The following RABGAP1L variants were observed in gnomAD, a reference collection of about 807,000 sequenced individuals.
The protein encoded by RABGAP1L is rab GTPase-activating protein 1-like.
RABGAP1L carries 63 observed loss-of-function variants against 137.7 expected under a neutral mutation model. The observed-to-expected ratio is 0.46, with a 90% confidence interval of 0.37 to 0.56. RABGAP1L has a LOEUF of 0.56. Ranked by LOEUF, RABGAP1L falls within the 20% of genes least tolerant of loss-of-function variation. RABGAP1L has a pLI of 0.00. For synonymous variants in RABGAP1L, 431 were observed against 433.7 expected, an observed-to-expected ratio of 0.99 and a Z score of 0.08; for missense variants, 1,095 against 1,244.0, an observed-to-expected ratio of 0.88 and a Z score of 1.80.
At chr1:174,985,765 A>G (rs1671537784) in intron 24 of RABGAP1L, among the ~76,000 whole-genome samples, 1 of 152,210 alleles carries the variant, frequency 6.6e-6, no homozygotes, top group Non-Finnish European at 1.5e-5. Flanking sequence ...AGGGAACCCA[A>G]AATAGCATTG....
At chr1:174,536,443 T>C (rs753606092) in intron 13 of RABGAP1L, among the ~76,000 whole-genome samples, 1 of 152,092 alleles carries the variant, frequency 6.6e-6, no homozygotes, top group Non-Finnish European at 1.5e-5. Context: ...CTATGAAATT[T>C]TGACACATTT....
At chr1:174,276,587 A>G (rs2148672194) in intron 9 of RABGAP1L, among the ~76,000 whole-genome samples, 1 of 152,262 alleles carries the variant, frequency 6.6e-6, no homozygotes, top group Non-Finnish European at 1.5e-5. Context: ...AATTTTGAAT[A>G]TTTTTAAATT....
At chr1:174,834,740 A>G (rs991289089) in intron 19 of RABGAP1L, among the ~76,000 whole-genome samples, 2 of 152,256 alleles carry the variant, frequency 1.3e-5, no homozygotes, top group South Asian at 2.1e-4. Flanking sequence ...ACATTTCATC[A>G]TAAAAAGAAA....
In RABGAP1L at chr1:174,483,004, G is replaced by A. The variant is rs73040887; in HGVS notation, c.1710+88859G>A. 5.3e-3 allele frequency among the ~76,000 whole-genome samples: 806 copies of A among 152,028 alleles called. 9 individuals carry two copies. Among genetic ancestry groups the A allele is most frequent in the African/African-American group, 0.018 (762 of 41,470 alleles). On this transcript the variant is annotated intron_variant, in intron 13 of 25. Coordinates refer to ENST00000681986, the MANE Select transcript of RABGAP1L (RefSeq NM_001366446.1). Reference sequence around the variant, plus strand: ...CATTTTTTTAATTTTTAATTTTTGTGGGTACATGGTAGGTCTATATTTATG... The same window carrying A: ...CATTTTTTTAATTTTTAATTTTTGTAGGTACATGGTAGGTCTATATTTATG...
chr1:174,637,510 T>G, intron 14 of RABGAP1L, 22 bp downstream of exon 14: 1 of 1,505,180 alleles, frequency 6.6e-7, no homozygotes, highest in Non-Finnish European at 9.2e-7. Flanking sequence ...TTCCTCACTT[T>G]TTCTAAATTA....
intron 18 of RABGAP1L, among the ~76,000 whole-genome samples, chr1:174,790,422 G>A (rs1206286283): frequency 1.3e-5 from 2 of 151,554 alleles, no homozygotes; most frequent in African/African-American, 2.4e-5. Flanking sequence ...TCAGGAGTTC[G>A]AGACCAGCCT....
At chr1:174,935,959 C>A (rs150660623) in intron 19 of RABGAP1L, among the ~76,000 whole-genome samples, 3,456 of 88,900 alleles carry the variant, frequency 0.039, 136 homozygotes, top group African/African-American at 0.14. Flanking sequence ...CCAGCCTGGA[C>A]AACAAGAGTA....
At chr1:174,406,532 G>C (rs1031422743) in intron 13 of RABGAP1L, among the ~76,000 whole-genome samples, 10 of 152,154 alleles carry the variant, frequency 6.6e-5, no homozygotes, top group African/African-American at 2.2e-4. Context: ...GGCAGTGTTA[G>C]TCAAATAACA....
chr1:174,622,681 A>C (rs190979559), intron 13 of RABGAP1L, among the ~76,000 whole-genome samples: 1 of 152,294 alleles, frequency 6.6e-6, no homozygotes. Flanking sequence ...AGGAAGGGGA[A>C]CATCACACTC....
intron 13 of RABGAP1L, among the ~76,000 whole-genome samples, chr1:174,589,072 G>T (rs1572418406): frequency 6.6e-6 from 1 of 152,146 alleles, no homozygotes; most frequent in African/African-American, 2.4e-5. Flanking sequence ...CACTAACAGT[G>T]TACAAGAGTT....
Position 174,664,738 on chromosome 1 carries a change from T to C in RABGAP1L, c.1825-18784T>C, listed in dbSNP as rs542330596. 1.3e-3 allele frequency among the ~76,000 whole-genome samples: 174 copies of C among 133,810 alleles called. 3 individuals are homozygous for C. Among genetic ancestry groups the C allele is most frequent in the South Asian group, 0.012 (52 of 4,358 alleles). The allele number at this position is 133,810 out of a possible 152,430, so 87.8% of individuals were successfully genotyped here. A position where few individuals can be genotyped will look rare whatever the true frequency, so the allele number is the denominator to read the frequency against. The stretch of plus-strand genomic sequence containing the variant: ...TTCTTTCTTTCTTTCTGCTTTCTTT[T>C]TTTTTTTTTTTTTTTTTGACAGAGT... On this transcript the variant is annotated intron_variant, in intron 14 of 25. Transcript: ENST00000681986.
intron 13 of RABGAP1L, among the ~76,000 whole-genome samples, chr1:174,514,181 A>G (rs908790565): frequency 2.0e-5 from 3 of 149,062 alleles, no homozygotes; most frequent in Non-Finnish European, 3.0e-5. Flanking sequence ...CATGACAACA[A>G]TGGAATCATG....
At chr1:174,418,333 A>AT (rs771828601) in intron 13 of RABGAP1L, among the ~76,000 whole-genome samples, 9 of 152,206 alleles carry the variant, frequency 5.9e-5, no homozygotes, top group Admixed American at 6.5e-5. Context: ...ATGTAGAATG[A>AT]TTTTTTACCA....
chr1:174,586,396 G>T (rs1669121435), intron 13 of RABGAP1L, among the ~76,000 whole-genome samples: 1 of 151,786 alleles, frequency 6.6e-6, no homozygotes, highest in African/African-American at 2.4e-5. Context: ...GTCAGGGGAG[G>T]GTGGGTAGGG....
In RABGAP1L at chr1:174,634,173, C is replaced by G. The variant is rs371131126; in HGVS notation, c.1711-3202C>G. 6.9e-3 allele frequency among the ~76,000 whole-genome samples: 931 copies of G among 135,462 alleles called. 36 individuals are homozygous for G. In the East Asian group the frequency reaches 0.13, roughly 18 times the overall value. The allele number at this position is 135,462 out of a possible 152,430, so 88.9% of individuals were successfully genotyped here. ...TAATATCCAGAATCTACAATGAACT[C>G]AAACAAATTTACAAGAAAAAAACAA... is the stretch of plus-strand genomic sequence containing the variant. On this transcript the variant is annotated intron_variant, in intron 13 of 25. Coordinates refer to ENST00000681986, the MANE Select transcript of RABGAP1L (RefSeq NM_001366446.1).
chr1:174,697,329 T>TC (rs1553235915), intron 15 of RABGAP1L, among the ~76,000 whole-genome samples: 2 of 152,148 alleles, frequency 1.3e-5, no homozygotes, highest in South Asian at 2.1e-4. Flanking sequence ...TCTTTTTTTT[T>TC]TCTCTCTCTC....
intron 11 of RABGAP1L, among the ~76,000 whole-genome samples, chr1:174,324,676 A>G (rs576527768): frequency 1.3e-5 from 2 of 152,310 alleles, no homozygotes; most frequent in South Asian, 2.1e-4. Flanking sequence ...GGACATCACT[A>G]ACATTTAAGG....
chr1:174,180,866 C>T (rs1666295162), intron 1 of RABGAP1L, among the ~76,000 whole-genome samples: 1 of 152,136 alleles, frequency 6.6e-6, no homozygotes, highest in Non-Finnish European at 1.5e-5. Flanking sequence ...TTCATATATT[C>T]ACTCTTGATA....
chr1:174,554,639 T>C (rs1280776650), intron 13 of RABGAP1L, among the ~76,000 whole-genome samples: 1 of 152,204 alleles, frequency 6.6e-6, no homozygotes, highest in Non-Finnish European at 1.5e-5. Flanking sequence ...TGAAAAGACA[T>C]ATTTTAAAAT....
Sources: gnomAD v4.1 joint callset for allele counts (sites outside exome capture counted in the v4.1 genomes callset) on GRCh38, gnomAD v4.1.1 for gene constraint, MANE v1.5 for transcripts, NCBI Gene and HGNC (gene_info 2026-07-23, HGNC 2026-07-21) for gene names.